Variants in SLC40A1 observed in about 807,000 individuals in gnomAD.
The protein encoded by SLC40A1 is solute carrier family 40 member 1.
In SLC40A1, 16 loss-of-function variants were observed where a neutral mutation model predicts 53.5. The observed-to-expected ratio is 0.30, with a 90% CI of 0.20 to 0.45. SLC40A1 has a LOEUF of 0.45. Among genes scored for constraint, SLC40A1 ranks in the 20% least tolerant of loss-of-function variants. SLC40A1 has a pLI of 1.00. For missense variants in SLC40A1, 545 were observed against 695.4 expected, an observed-to-expected ratio of 0.78 and a Z score of 2.43; for synonymous variants, 247 against 253.2, an observed-to-expected ratio of 0.98 and a Z score of 0.23.
At chr2:189,573,820 G>C (rs1238255270) in intron 3 of SLC40A1, among the ~76,000 whole-genome samples, 2 of 152,156 alleles carry the variant, frequency 1.3e-5, no homozygotes, top group Non-Finnish European at 2.9e-5. Context: ...TCCTTGCTTG[G>C]AAGGTCTTGC....
At position 189,575,261 on chromosome 2, in the gene SLC40A1, G is replaced by T. The variant is rs1262427670; in HGVS notation, c.171C>A (p.Ser57Arg). 6 of 1,613,974 alleles carry T rather than the reference G, an allele frequency of 3.7e-6. No homozygotes were observed. Among genetic ancestry groups the T allele is most frequent in the Non-Finnish European group, 5.1e-6 (6 of 1,179,976 alleles). Reference protein sequence around the residue: ...SVFLVELYGNSLLLTAVYGLV... With the variant: ...SVFLVELYGNRLLLTAVYGLV... ...GCCCGTAGACTGCTGTCAAAAGGAG[G>T]CTGTTTCCATAGAGCTCTACCAGAA... The change falls in exon 3 of 8, where the codon AGC (serine) becomes AGA (arginine). Residue 57 changes from serine (S) to arginine (R), a missense_variant. Ser to Arg is a moderately radical substitution (Grantham distance 110). Transcript: ENST00000261024.
rs772100835 is a variant in SLC40A1 at position 189,572,942 on chromosome 2, C to T, written c.291G>A (p.Val97=). ...ARLKVAQTSL[V]VQNVSVILCG... ...ACAGGATGACTGAAACATTCTGTAC[C>T]ACCAGCGAGGTCTGGGCCACTGTGC... The change falls in exon 4 of 8, where the codon GTG becomes GTA. Residue 97 remains valine (V), a synonymous_variant. Transcript: ENST00000261024. The T allele has an allele frequency of 1.1e-5, 18 of 1,613,508 alleles. No homozygotes were observed. In the South Asian group the frequency reaches 2.0e-4, roughly 18 times the overall value.
At chr2:189,580,168 G>C (rs78975923) in intron 1 of SLC40A1, among the ~76,000 whole-genome samples, 2 of 142,556 alleles carry the variant, frequency 1.4e-5, no homozygotes, top group South Asian at 2.3e-4. Context: ...TGGTTTGTTT[G>C]TTTTGTTTCT....
chr2:189,564,001 T>C lies in SLC40A1; in HGVS notation c.985A>G (p.Thr329Ala). The C allele has an allele frequency of 6.2e-7, 1 of 1,614,050 alleles. No individual in the cohort carries two copies. The highest frequency in any genetic ancestry group is 8.5e-7 in the Non-Finnish European group (1 of 1,179,992). The change falls in exon 7 of 8, where the codon ACA (threonine) becomes GCA (alanine). Residue 329 changes from threonine to alanine, a missense_variant. Coordinates refer to ENST00000261024, the MANE Select transcript of SLC40A1 (RefSeq NM_014585.6). ...AGTCCCTGAGTGTAGGCGTACCCTG[T>C]GGTGATGCAGTCAAAGCCCAGGACA... ...MTVLGFDCITTGYAYTQGLSG... is the reference protein window; with the variant it reads ...MTVLGFDCITAGYAYTQGLSG...
chr2:189,561,992 G>T lies in SLC40A1; in HGVS notation c.1602C>A (p.Gly534=), dbSNP rs770368162. 5 of 1,614,048 alleles carry T rather than the reference G, an allele frequency of 3.1e-6. No homozygotes were observed. The Admixed American group carries it at 8.3e-5, about 27-fold the overall frequency. The change falls in exon 8 of 8, where the codon GGC becomes GGA. Residue 534 remains glycine, a synonymous_variant. Coordinates refer to ENST00000261024, the MANE Select transcript of SLC40A1 (RefSeq NM_014585.6). ...GGGCAAATCGGAAATACATAATGTG[G>T]CCCATTGCCACAAAGGAGACTGAAA... is the stretch of plus-strand genomic sequence containing the variant. ...VLISVSFVAM[G]HIMYFRFAQN... is the part of the protein sequence containing the mutation.
chr2:189,563,956 T>C lies in SLC40A1; in HGVS notation c.1030A>G (p.Ile344Val), dbSNP rs1384667237. 6 of 1,614,114 alleles carry C rather than the reference T, an allele frequency of 3.7e-6. No homozygotes were observed. The highest frequency in any genetic ancestry group is 1.1e-5 in the South Asian group (1 of 91,078). Residue 344 changes from isoleucine (I) to valine (V), a missense_variant, in exon 7 of 8, where the codon ATT becomes GTT. Physicochemically the swap from Ile to Val is conservative, Grantham distance 29. This residue lies in a region of SLC40A1 where 234 missense variants were observed against 299.0 expected (regional missense o/e 0.78). Transcript: ENST00000261024. ...TQGLSGSILS[I>V]LMGASAITGI... ...GTTATAGCTGATGCTCCCATCAAAATACTGAGGATGGAACCACTCAGTCCC... is the reference window on the plus strand; with the variant it reads ...GTTATAGCTGATGCTCCCATCAAAACACTGAGGATGGAACCACTCAGTCCC...
chr2:189,563,987 G>A lies in SLC40A1; in HGVS notation c.999C>T (p.Tyr333=). 1.2e-6 allele frequency: 2 copies of A among 1,614,148 alleles called. No homozygotes were observed. Among genetic ancestry groups the A allele is most frequent in the South Asian group, 2.2e-5 (2 of 91,076 alleles). ...GFDCITTGYA[Y]TQGLSGSILS... is the part of the protein sequence containing the mutation. ...GGATGGAACCACTCAGTCCCTGAGT[G>A]TAGGCGTACCCTGTGGTGATGCAGT... The change falls in exon 7 of 8, where the codon TAC becomes TAT. Residue 333 remains tyrosine (Y), a synonymous_variant. Coordinates refer to ENST00000261024, the MANE Select transcript of SLC40A1 (RefSeq NM_014585.6).
At chr2:189,577,615 CTTTTT>C (rs11419650) in intron 2 of SLC40A1, among the ~76,000 whole-genome samples, 1 of 133,538 alleles carries the variant, frequency 7.5e-6, no homozygotes, top group African/African-American at 2.8e-5. Flanking sequence ...ATAGTATCCA[CTTTTT>C]TTTTTTTTTT....
At position 189,565,550 on chromosome 2, in the gene SLC40A1, G is replaced by A; in HGVS notation, c.564C>T (p.Ala188=). 1.2e-6 allele frequency: 2 copies of A among 1,614,214 alleles called. No homozygotes were observed. The highest frequency in any genetic ancestry group is 1.7e-6 in the Non-Finnish European group (2 of 1,180,036). The stretch of plus-strand genomic sequence containing the variant: ...TCATAATCTGGCCAACAGCCATGGG[G>A]GCTAAGATGTTGGTTAACTGGTCAA... ...RRIDQLTNIL[A]PMAVGQIMTF... The change falls in exon 6 of 8, where the codon GCC becomes GCT. Residue 188 remains alanine, a synonymous_variant. Transcript: ENST00000261024.
At position 189,562,089 on chromosome 2, in the gene SLC40A1, A is replaced by C; in HGVS notation, c.1505T>G (p.Leu502Arg). Residue 502 changes from leucine (L) to arginine (R), a missense_variant, in exon 8 of 8, where the codon CTT (leucine) becomes CGT (arginine). Physicochemically the swap from Leu to Arg is moderately radical, Grantham distance 102 (BLOSUM62 -2). Around this residue, in one of 4 missense-constraint regions of SLC40A1, gnomAD observed 234 missense variants for 299.0 expected, o/e 0.78. Coordinates refer to ENST00000261024, the MANE Select transcript of SLC40A1 (RefSeq NM_014585.6). ...INGVQNSMNYLLDLLHFIMVI... is the reference protein window; with the variant it reads ...INGVQNSMNYRLDLLHFIMVI... ...CATGATGAAATGCAGAAGATCAAGA[A>C]GATAGTTCATGGAGTTCTGTACACC... is the stretch of plus-strand genomic sequence containing the variant. The C allele has an allele frequency of 6.2e-7, 1 of 1,614,102 alleles. No homozygotes were observed. The highest frequency in any genetic ancestry group is 8.5e-7 in the Non-Finnish European group (1 of 1,179,950).
At chr2:189,565,715 T>C (rs2030919548) in intron 5 of SLC40A1, 116 bp from the exon 6 acceptor site, 1 of 1,399,352 alleles carries the variant, frequency 7.1e-7, no homozygotes, top group Admixed American at 1.7e-5. Flanking sequence ...TGTGGTTTTC[T>C]AAAAGTACAT....
At chr2:189,573,247 G>T (rs2031187063) in intron 3 of SLC40A1, among the ~76,000 whole-genome samples, 1 of 152,110 alleles carries the variant, frequency 6.6e-6, no homozygotes, top group African/African-American at 2.4e-5. Flanking sequence ...TTATCTTCTT[G>T]AAAGTTTAAC....
chr2:189,573,438 A>G (rs1262360159), intron 3 of SLC40A1, among the ~76,000 whole-genome samples: 1 of 152,228 alleles, frequency 6.6e-6, no homozygotes, highest in Non-Finnish European at 1.5e-5. Flanking sequence ...AAATTTGCCA[A>G]GAATAAAGCA....
At chr2:189,578,290 T>C (rs2031354676) in intron 2 of SLC40A1, 1 of 1,002,130 alleles carries the variant, frequency 1.0e-6, no homozygotes, top group African/African-American at 1.7e-5. Flanking sequence ...AAACCTTATA[T>C]GATTGTAGTT....
At position 189,565,340 on chromosome 2, in the gene SLC40A1, T is replaced by C. The variant is rs145600408; in HGVS notation, c.760+14A>G. 3.2e-4 allele frequency: 510 copies of C among 1,614,078 alleles called. No individual in the cohort carries two copies. The highest frequency in any genetic ancestry group is 4.0e-4 in the Non-Finnish European group (467 of 1,179,920). On this transcript the variant is annotated intron_variant, in intron 6 of 7. Coordinates refer to ENST00000261024, the MANE Select transcript of SLC40A1 (RefSeq NM_014585.6). The stretch of plus-strand genomic sequence containing the variant: ...ACATGAGAACAAAAGGAGAGATCAT[T>C]GTGTTCAGTTTACCTTTGTGTAAAT...
At chr2:189,568,962 C>T (rs531442806) in intron 5 of SLC40A1, among the ~76,000 whole-genome samples, 5 of 152,168 alleles carry the variant, frequency 3.3e-5, no homozygotes, top group African/African-American at 9.7e-5. Flanking sequence ...AAGATTCAAA[C>T]GTGGCACAAG....
At chr2:189,569,151 C>A (rs1036603317) in intron 5 of SLC40A1, among the ~76,000 whole-genome samples, 6 of 152,220 alleles carry the variant, frequency 3.9e-5, no homozygotes, top group African/African-American at 1.2e-4. Flanking sequence ...TTAACCTTGG[C>A]AGGGAAAATT....
In SLC40A1 at chr2:189,571,723, T is replaced by G; in HGVS notation, c.506A>C (p.Lys169Thr). 1 of 1,612,660 alleles carries G rather than the reference T, an allele frequency of 6.2e-7. No individual in the cohort carries two copies. Among genetic ancestry groups the G allele is most frequent in the East Asian group, 2.2e-5 (1 of 44,794 alleles). Residue 169 changes from lysine (K) to threonine (T), a missense_variant, in exon 5 of 8, where the codon AAA becomes ACA. Around this residue, in one of 4 missense-constraint regions of SLC40A1, gnomAD observed 197 missense variants for 278.8 expected, o/e 0.71. Coordinates refer to ENST00000261024, the MANE Select transcript of SLC40A1 (RefSeq NM_014585.6). ...AGAGAAAGCCAAATTACTTGCTAGT[T>G]TGCTTCTGTCTTCTCCTGCAACAAC... is the stretch of plus-strand genomic sequence containing the variant. ...IVVVAGEDRS[K>T]LANMNATIRR...
At position 189,569,925 on chromosome 2, in the gene SLC40A1, T is replaced by C. The variant is rs571794095; in HGVS notation, c.514+1790A>G. ...ACTTCATAGAAAAATCCCAGAGTTA[T>C]GTGGCATGTTTGCAGTTATATTTAT... On this transcript the variant is annotated intron_variant, in intron 5 of 7. Coordinates refer to ENST00000261024, the MANE Select transcript of SLC40A1 (RefSeq NM_014585.6). Among the ~76,000 whole-genome samples the C allele has an allele frequency of 1.2e-4, 18 of 151,988 alleles. No individual in the cohort carries two copies. In the East Asian group the frequency reaches 3.5e-3, roughly 29 times the overall value.
Sources: gnomAD v4.1 joint callset for allele counts (sites outside exome capture counted in the v4.1 genomes callset) on GRCh38, gnomAD v4.1.1 for gene constraint, gnomAD v4.1.1 regional missense constraint, MANE v1.5 for transcripts, NCBI Gene and HGNC (gene_info 2026-07-23, HGNC 2026-07-21) for gene names.